Variants in FOXP2 observed in about 807,000 individuals in gnomAD.
The protein encoded by FOXP2 is forkhead box P2.
A neutral mutation model predicts 115.8 loss-of-function variants in FOXP2; 12 were observed. The ratio of observed to expected loss-of-function variants is 0.10; its 90% confidence interval spans 0.07 to 0.17. The LOEUF (loss-of-function observed/expected upper bound fraction) is 0.17, where lower values mean the gene tolerates loss of function less well. Ranked by LOEUF, FOXP2 falls within the 10% of genes least tolerant of loss-of-function variation. The probability of loss-of-function intolerance (pLI) is 1.00; values close to 1 mark genes in which losing one functional copy is unlikely to be tolerated. For missense variants in FOXP2, 629 were observed against 843.5 expected (o/e 0.75, Z 3.15); for synonymous variants, 328 against 297.7 (o/e 1.10, Z -1.05).
At chr7:114,256,703 T>G (rs1241976465) in intron 1 of FOXP2, among the ~76,000 whole-genome samples, 1 of 152,256 alleles carries the variant, frequency 6.6e-6, no homozygotes, top group Non-Finnish European at 1.5e-5. Context: ...TTCTTTACTT[T>G]AATTAGATCC....
At chr7:114,568,687 C>A (rs1160760792) in intron 3 of FOXP2, among the ~76,000 whole-genome samples, 1 of 151,712 alleles carries the variant, frequency 6.6e-6, no homozygotes, top group Admixed American at 6.6e-5. Flanking sequence ...TTAATGAAAT[C>A]CTTCTAATAT....
chr7:114,383,958 C>T (rs1239529783), intron 2 of FOXP2, among the ~76,000 whole-genome samples: 3 of 152,166 alleles, frequency 2.0e-5, no homozygotes. Flanking sequence ...CAGTCCTGCA[C>T]TCCCTTTCCC....
intron 2 of FOXP2, among the ~76,000 whole-genome samples, chr7:114,388,772 G>T (rs1394709012): frequency 6.6e-6 from 1 of 152,088 alleles, no homozygotes; most frequent in Non-Finnish European, 1.5e-5. Flanking sequence ...CAACTTAACA[G>T]CATAGAGGAA....
intron 1 of FOXP2, among the ~76,000 whole-genome samples, chr7:114,273,291 G>T (rs1796112410): frequency 6.6e-6 from 1 of 151,932 alleles, no homozygotes; most frequent in Non-Finnish European, 1.5e-5. Flanking sequence ...ATGCTTTTGT[G>T]ATCTGAGAGC....
chr7:114,192,543 T>C (rs1265381360), intron 1 of FOXP2, among the ~76,000 whole-genome samples: 25 of 152,236 alleles, frequency 1.6e-4, no homozygotes, highest in Non-Finnish European at 4.4e-5. Context: ...TGTGTATCTT[T>C]GTAAGAAACT....
intron 10 of FOXP2, among the ~76,000 whole-genome samples, chr7:114,655,251 C>A (rs1806518040): frequency 6.6e-6 from 1 of 152,046 alleles, no homozygotes; most frequent in South Asian, 2.1e-4. Flanking sequence ...TCTCATAAAT[C>A]CATCAGGAAT....
In FOXP2 at chr7:114,274,205, G is replaced by A. The variant is rs139983568; in HGVS notation, c.-101-13814G>A. On this transcript the variant is annotated intron_variant, in intron 1 of 17. Transcript: ENST00000634411. ...GTGTGAGTACCTTATGAAAACAATT[G>A]TAATTCACCTCTCCCATTCTTTGTA... Among the ~76,000 whole-genome samples the A allele has an allele frequency of 9.3e-4, 141 of 151,898 alleles. 1 individual carries two copies. The East Asian group carries it at 0.021, about 22-fold the overall frequency.
chr7:114,176,685 T>G (rs1793323155), intron 1 of FOXP2, among the ~76,000 whole-genome samples: 3 of 48,516 alleles, frequency 6.2e-5, no homozygotes, highest in East Asian at 3.7e-4. Context: ...TTTTTTTTTG[T>G]AAGCTTTTAT....
At chr7:114,639,639 G>A (rs756987328) in intron 6 of FOXP2, among the ~76,000 whole-genome samples, 5 of 152,162 alleles carry the variant, frequency 3.3e-5, no homozygotes, top group Non-Finnish European at 7.4e-5. Context: ...AACCATCTAA[G>A]TAAAGGGAGG....
intron 2 of FOXP2, among the ~76,000 whole-genome samples, chr7:114,484,129 G>A (rs560325847): frequency 2.4e-4 from 36 of 151,878 alleles, no homozygotes; most frequent in Admixed American, 1.9e-3. Flanking sequence ...TTTTCAAAAC[G>A]ATCTTTTAAA....
intron 1 of FOXP2, among the ~76,000 whole-genome samples, chr7:114,197,462 T>C (rs927982801): frequency 1.3e-5 from 2 of 152,200 alleles, no homozygotes; most frequent in South Asian, 4.1e-4. Context: ...TGTCTCTTTA[T>C]GAGGGCATTC....
At chr7:114,569,845 G>C (rs1210391528) in intron 3 of FOXP2, among the ~76,000 whole-genome samples, 1 of 151,900 alleles carries the variant, frequency 6.6e-6, no homozygotes, top group Admixed American at 6.6e-5. Context: ...TATTTGAAAA[G>C]AATTATTTAT....
intron 1 of FOXP2, among the ~76,000 whole-genome samples, chr7:114,151,300 C>A (rs939161455): frequency 4.0e-5 from 6 of 151,882 alleles, no homozygotes; most frequent in African/African-American, 1.5e-4. Flanking sequence ...AACAAAATTT[C>A]AAGGATATAC....
At chr7:114,393,514 C>A (rs1792660453) in intron 2 of FOXP2, among the ~76,000 whole-genome samples, 1 of 151,936 alleles carries the variant, frequency 6.6e-6, no homozygotes, top group South Asian at 2.1e-4. Flanking sequence ...AGCAGCCTGG[C>A]ATGGAAAATT....
chr7:114,606,436 TA>T (rs1803334943), intron 3 of FOXP2, among the ~76,000 whole-genome samples: 2 of 152,296 alleles, frequency 1.3e-5, no homozygotes, highest in South Asian at 2.1e-4. Context: ...ACAAAAACTC[TA>T]AACATTTAGT....
At chr7:114,622,601 T>C (rs1002376841) in intron 3 of FOXP2, among the ~76,000 whole-genome samples, 8 of 151,980 alleles carry the variant, frequency 5.3e-5, no homozygotes, top group Admixed American at 4.6e-4. Flanking sequence ...AAGATGATTA[T>C]CATCCATCAA....
In FOXP2 at chr7:114,664,336, A is replaced by G. The variant is rs1371304452; in HGVS notation, c.1903A>G (p.Ser635Gly). The change falls in exon 16 of 17, where the codon AGT becomes GGT. Residue 635 changes from serine (S) to glycine (G), a missense_variant. Coordinates refer to ENST00000350908, the MANE Select transcript of FOXP2 (RefSeq NM_014491.4). ...TCCTGGACTGATAAATAATGCATCC[A>G]GTGGCCTACTGCAGGCCGTCCACGA... The part of the protein sequence containing the change: ...SNPGLINNAS[S>G]GLLQAVHEDL... The G allele has an allele frequency of 6.2e-7, 1 of 1,613,572 alleles. No individual in the cohort carries two copies. The highest frequency in any genetic ancestry group is 1.1e-5 in the South Asian group (1 of 91,090).
chr7:114,246,894 A>G (rs1446145879), intron 1 of FOXP2, among the ~76,000 whole-genome samples: 1 of 152,158 alleles, frequency 6.6e-6, no homozygotes, highest in Non-Finnish European at 1.5e-5. Context: ...AAGATTCGCC[A>G]AGTCTTATTT....
chr7:114,180,357 A>G (rs2129154923), intron 1 of FOXP2, among the ~76,000 whole-genome samples: 1 of 151,300 alleles, frequency 6.6e-6, no homozygotes, highest in East Asian at 1.9e-4. Context: ...TCATACATTT[A>G]TTTTCCTGTG....
Sources: gnomAD v4.1 joint callset for allele counts (sites outside exome capture counted in the v4.1 genomes callset) on GRCh38, gnomAD v4.1.1 for gene constraint, MANE v1.5 for transcripts, NCBI Gene and HGNC (gene_info 2026-07-23, HGNC 2026-07-21) for gene names.